Variants in NBAS observed in about 807,000 individuals in gnomAD.
The protein encoded by NBAS is NAG/BC035112 fusion.
A neutral mutation model predicts 302.5 loss-of-function variants in NBAS; 219 were observed. The ratio of observed to expected loss-of-function variants is 0.72; its 90% CI spans 0.65 to 0.81. The LOEUF (loss-of-function observed/expected upper bound fraction) is 0.81, where lower values mean the gene tolerates loss of function less well. Ranked by LOEUF, NBAS falls within the 30% of genes least tolerant of loss-of-function variation. NBAS has a pLI of 0.00. For synonymous variants in NBAS, 1,118 were observed against 1,021.6 expected (o/e 1.09, Z -1.80); for missense variants, 2,932 against 2,841.6 (o/e 1.03, Z -0.72).
rs1572769975 is a variant in NBAS at position 15,391,161 on chromosome 2, T to C, written c.3257+3066A>G. ...AAGACATGAAAAATATGACAGATAATGAAGAAAAAATTATTCAAAACCTAT... is the reference window on the plus strand; with the variant it reads ...AAGACATGAAAAATATGACAGATAACGAAGAAAAAATTATTCAAAACCTAT... On this transcript the variant is annotated intron_variant, in intron 28 of 51. Coordinates refer to ENST00000281513, the MANE Select transcript of NBAS (RefSeq NM_015909.4). 2.6e-5 allele frequency among the ~76,000 whole-genome samples: 4 copies of C among 151,656 alleles called. No homozygotes were observed. In the South Asian group the frequency reaches 8.3e-4, roughly 32 times the overall value.
intron 28 of NBAS, among the ~76,000 whole-genome samples, chr2:15,384,984 G>C (rs1480063656): frequency 1.1e-5 from 1 of 90,726 alleles, no homozygotes; most frequent in African/African-American, 3.7e-5. Context: ...GATCATTACA[G>C]CAAAAAATAT....
At chr2:15,125,515 C>T in the NBAS span, among the ~76,000 whole-genome samples, 13 of 56,194 alleles carry the variant, frequency 2.3e-4, no homozygotes, top group East Asian at 7.0e-3. Flanking sequence ...TTCCACCAGG[C>T]TTATCTAAGA....
the NBAS span, among the ~76,000 whole-genome samples, chr2:15,119,071 G>A: frequency 1.3e-5 from 2 of 151,994 alleles, no homozygotes; most frequent in Non-Finnish European, 2.9e-5. Context: ...GGGGAGGAAG[G>A]GTGAGAACCA....
At chr2:14,929,746 C>G in the NBAS span, among the ~76,000 whole-genome samples, 1 of 152,014 alleles carries the variant, frequency 6.6e-6, no homozygotes, top group East Asian at 1.9e-4. Flanking sequence ...TCTGAATATT[C>G]CTAGCACATG....
the NBAS span, among the ~76,000 whole-genome samples, chr2:14,980,689 T>C: frequency 1.4e-4 from 22 of 152,056 alleles, no homozygotes; most frequent in African/African-American, 4.8e-4. Context: ...TCACTAGATA[T>C]GAAAAATGGA....
At chr2:15,103,038 C>G in the NBAS span, among the ~76,000 whole-genome samples, 15 of 50,328 alleles carry the variant, frequency 3.0e-4, no homozygotes, top group South Asian at 9.3e-4. Flanking sequence ...GAAAGAGGGT[C>G]GGAGGGAGGG....
chr2:15,114,703 G>A, the NBAS span, among the ~76,000 whole-genome samples: 47,710 of 152,032 alleles, frequency 0.31, 7,778 homozygotes, highest in South Asian at 0.39. Context: ...ACAGGTGCAC[G>A]TGGAAAGCAT....
the NBAS span, among the ~76,000 whole-genome samples, chr2:14,927,699 A>G: frequency 2.0e-5 from 3 of 152,194 alleles, no homozygotes; most frequent in Non-Finnish European, 4.4e-5. Flanking sequence ...ATTTCACCAC[A>G]TCTTTGCCAA....
chr2:15,558,679 G>C (rs937206273), intron 1 of NBAS, 45 bp from the exon 2 acceptor site: 2 of 1,380,366 alleles, frequency 1.4e-6, no homozygotes, highest in East Asian at 2.3e-5. Flanking sequence ...TCTTCTAGTA[G>C]TATTAGACCA....
chr2:14,989,579 A>T, the NBAS span, among the ~76,000 whole-genome samples: 18 of 151,810 alleles, frequency 1.2e-4, no homozygotes, highest in South Asian at 4.2e-4. Context: ...AATTAAAATT[A>T]AAAAAAAGAC....
At chr2:15,068,998 T>C in the NBAS span, among the ~76,000 whole-genome samples, 3 of 152,132 alleles carry the variant, frequency 2.0e-5, no homozygotes, top group African/African-American at 7.2e-5. Flanking sequence ...GGGCTTAGCA[T>C]GTCCCTCTGA....
At chr2:15,007,742 G>T in the NBAS span, among the ~76,000 whole-genome samples, 9 of 152,154 alleles carry the variant, frequency 5.9e-5, no homozygotes, top group African/African-American at 1.9e-4. Context: ...CTCTCACTAG[G>T]ATGATAGTAA....
At chr2:15,031,836 C>T in the NBAS span, among the ~76,000 whole-genome samples, 37 of 152,308 alleles carry the variant, frequency 2.4e-4, no homozygotes, top group Non-Finnish European at 4.1e-4. Flanking sequence ...AGATGGGGCC[C>T]TGTGAAAGAG....
the NBAS span, among the ~76,000 whole-genome samples, chr2:15,004,667 ATTTT>A: frequency 3.8e-5 from 4 of 105,454 alleles, no homozygotes; most frequent in African/African-American, 1.1e-4. Flanking sequence ...CTCCCAGCTG[ATTTT>A]TTTTTTTTTT....
the NBAS span, among the ~76,000 whole-genome samples, chr2:14,956,051 C>T: frequency 6.6e-6 from 1 of 152,194 alleles, no homozygotes; most frequent in East Asian, 1.9e-4. Context: ...GAATACTTTG[C>T]TGCTTAGAAA....
chr2:14,791,993 C>T, the NBAS span, among the ~76,000 whole-genome samples: 1 of 151,882 alleles, frequency 6.6e-6, no homozygotes, highest in Non-Finnish European at 1.5e-5. Context: ...AGAGGGTGAT[C>T]AGGTCAGGAC....
chr2:15,400,350 T>C (rs1375448897), intron 26 of NBAS, among the ~76,000 whole-genome samples: 3 of 151,674 alleles, frequency 2.0e-5, no homozygotes, highest in Non-Finnish European at 2.9e-5. Context: ...AATTATTCAA[T>C]CCAGGAAAAA....
intron 41 of NBAS, among the ~76,000 whole-genome samples, chr2:15,288,679 C>T (rs552430246): frequency 1.3e-5 from 2 of 152,324 alleles, no homozygotes; most frequent in East Asian, 1.9e-4. Context: ...TGCAGGACTC[C>T]TATTTTCCAG....
intron 44 of NBAS, among the ~76,000 whole-genome samples, chr2:15,241,995 A>C (rs1667886827): frequency 6.6e-6 from 1 of 152,104 alleles, no homozygotes; most frequent in African/African-American, 2.4e-5. Flanking sequence ...CTTTTTTGCA[A>C]GGCAAATTCC....
Sources: allele counts gnomAD v4.1 joint callset (sites outside exome capture counted in the v4.1 genomes callset), GRCh38; gene constraint gnomAD v4.1.1; transcripts MANE v1.5; gene names NCBI Gene and HGNC (gene_info 2026-07-23, HGNC 2026-07-21).